Variants in HPSE2 observed in about 807,000 individuals in gnomAD.
HPSE2 encodes the protein heparanase 2 (inactive), also known as inactive heparanase-2.
A neutral mutation model predicts 60.5 loss-of-function variants in HPSE2; 38 were observed. That is an observed-to-expected ratio of 0.63 (90% CI 0.48 to 0.82). The LOEUF (loss-of-function observed/expected upper bound fraction) is 0.82. HPSE2 is among the 40% of genes least tolerant of loss of function. The pLI, the probability that HPSE2 is intolerant of heterozygous loss-of-function variation, is 0.00. For missense variants in HPSE2, 713 were observed against 740.4 expected, an observed-to-expected ratio of 0.96 and a Z score of 0.43; for synonymous variants, 295 against 293.2, an observed-to-expected ratio of 1.01 and a Z score of -0.06.
intron 9 of HPSE2, among the ~76,000 whole-genome samples, chr10:98,585,112 C>A (rs939486712): frequency 1.3e-5 from 2 of 152,118 alleles, no homozygotes; most frequent in Admixed American, 6.5e-5. Flanking sequence ...TCTACTGGTG[C>A]TACATGGGGG....
intron 9 of HPSE2, among the ~76,000 whole-genome samples, chr10:98,565,211 G>A (rs899919389): frequency 1.3e-4 from 19 of 151,638 alleles, no homozygotes; most frequent in Non-Finnish European, 2.5e-4. Context: ...AGAACATGCA[G>A]GTTTGCTACA....
At chr10:99,213,992 C>G (rs1849035514) in intron 2 of HPSE2, among the ~76,000 whole-genome samples, 2 of 152,068 alleles carry the variant, frequency 1.3e-5, no homozygotes, top group South Asian at 4.1e-4. Flanking sequence ...ATATGAAAAA[C>G]TCTTACAACT....
rs563249632 is a variant in HPSE2 at position 98,492,441 on chromosome 10, G to A, written c.1321-2245C>T. On this transcript the variant is annotated intron_variant, in intron 9 of 11. Transcript: ENST00000370552. ...GGCGTGAACCCAGGAGGCGGAGCTT[G>A]CAGTGAGCCGAGATTGCGCCACTGC... Among the ~76,000 whole-genome samples the A allele has an allele frequency of 3.4e-5, 5 of 149,230 alleles. No individual in the cohort carries two copies. In the East Asian group the frequency reaches 9.9e-4, roughly 29 times the overall value.
In HPSE2 at chr10:98,662,950, A is replaced by G. The variant is rs188794473; in HGVS notation, c.1005-21010T>C. ...TTTAGAAAGATTTAAAAAACAATAA[A>G]GAACAACTTGATGAGACCAAGATAG... On this transcript the variant is annotated intron_variant, in intron 6 of 11. Transcript: ENST00000370552. 1.1e-4 allele frequency among the ~76,000 whole-genome samples: 17 copies of G among 152,354 alleles called. No individual in the cohort carries two copies. The East Asian group carries it at 3.3e-3, about 29-fold the overall frequency.
intron 3 of HPSE2, among the ~76,000 whole-genome samples, chr10:98,745,215 A>C: frequency 6.6e-6 from 1 of 152,196 alleles, no homozygotes; most frequent in East Asian, 1.9e-4. Flanking sequence ...TAAATAAATA[A>C]AATAAAAAAA....
chr10:99,097,649 T>C (rs1469207347), intron 3 of HPSE2, among the ~76,000 whole-genome samples: 1 of 152,200 alleles, frequency 6.6e-6, no homozygotes, highest in Non-Finnish European at 1.5e-5. Flanking sequence ...ACAATATAGT[T>C]AACACCTAGG....
rs193050289 is a variant in HPSE2 at position 99,128,764 on chromosome 10, G to A, written c.610+15474C>T. Reference sequence around the variant, plus strand: ...ATACCTAGGTGATGGGTTGATAGGCGCAGCAAACCACCATAGCACATGTTT... The same window carrying A: ...ATACCTAGGTGATGGGTTGATAGGCACAGCAAACCACCATAGCACATGTTT... On this transcript the variant is annotated intron_variant, in intron 3 of 11. Transcript: ENST00000370552. Among the ~76,000 whole-genome samples the A allele has an allele frequency of 4.9e-4, 74 of 152,074 alleles. No homozygotes were observed. The East Asian group carries it at 6.8e-3, about 14-fold the overall frequency.
chr10:98,465,950 G>A (rs897949898), intron 11 of HPSE2, among the ~76,000 whole-genome samples: 9 of 152,104 alleles, frequency 5.9e-5, no homozygotes, highest in African/African-American at 2.2e-4. Context: ...ATTTAAAATG[G>A]GATTCAAAGT....
chr10:98,632,444 T>C (rs1199142483), intron 7 of HPSE2, among the ~76,000 whole-genome samples: 2 of 152,198 alleles, frequency 1.3e-5, no homozygotes, highest in African/African-American at 2.4e-5. Context: ...AATATTTGTA[T>C]CTAAGAATCA....
Position 99,235,753 on chromosome 10 carries a change from C to G in HPSE2, c.50G>C (p.Arg17Pro). 6.2e-7 allele frequency: 1 copy of G among 1,613,734 alleles called. No individual in the cohort carries two copies. The highest frequency in any genetic ancestry group is 8.5e-7 in the Non-Finnish European group (1 of 1,179,896). Residue 17 changes from arginine (R) to proline (P), a missense_variant, in exon 1 of 12, where the codon CGC (arginine) becomes CCC (proline). Coordinates refer to ENST00000370552, the MANE Select transcript of HPSE2 (RefSeq NM_021828.5). ...CCCCGGGGCTAGGCACGCGGGGGGG[C>G]GGGAGTTGCTGGAGGGCATGGCTTC... ...FPEAMPSSNS[R>P]PPACLAPGAL... is the part of the protein sequence containing the mutation.
chr10:99,015,701 G>C (rs1275922023), intron 3 of HPSE2, among the ~76,000 whole-genome samples: 1 of 152,092 alleles, frequency 6.6e-6, no homozygotes, highest in Non-Finnish European at 1.5e-5. Context: ...ATAGCATTAG[G>C]AGATATACCT....
At chr10:98,503,965 T>C (rs1942110820) in intron 9 of HPSE2, among the ~76,000 whole-genome samples, 1 of 152,118 alleles carries the variant, frequency 6.6e-6, no homozygotes, top group Non-Finnish European at 1.5e-5. Context: ...CTAAAGAACT[T>C]ACTCATGTAA....
At chr10:98,545,839 A>G (rs1420912876) in intron 9 of HPSE2, among the ~76,000 whole-genome samples, 4 of 151,366 alleles carry the variant, frequency 2.6e-5, no homozygotes, top group Admixed American at 2.0e-4. Context: ...AGGGTATTCA[A>G]TTAGGAAAAG....
intron 10 of HPSE2, among the ~76,000 whole-genome samples, chr10:98,486,046 C>T (rs757450570): frequency 1.4e-4 from 21 of 152,266 alleles, no homozygotes; most frequent in Middle Eastern, 3.4e-3. Context: ...GCCCAGAGAC[C>T]CACATATAGA....
In HPSE2 at chr10:99,110,401, A is replaced by G. The variant is rs539055903; in HGVS notation, c.610+33837T>C. 1.1e-4 allele frequency among the ~76,000 whole-genome samples: 16 copies of G among 152,326 alleles called. No individual in the cohort carries two copies. The South Asian group carries it at 2.5e-3, about 24-fold the overall frequency. ...AGGCATACTATGTCCTACTTGCCCT[A>G]TGAGAAGAGAATAATGAGTATTCTC... On this transcript the variant is annotated intron_variant, in intron 3 of 11. Coordinates refer to ENST00000370552, the MANE Select transcript of HPSE2 (RefSeq NM_021828.5).
intron 9 of HPSE2, among the ~76,000 whole-genome samples, chr10:98,571,885 C>T (rs944754284): frequency 6.6e-6 from 1 of 151,626 alleles, no homozygotes; most frequent in African/African-American, 2.4e-5. Flanking sequence ...TTCTATCTAT[C>T]TATTCTGGAT....
At chr10:98,696,541 T>A (rs12571813) in intron 5 of HPSE2, among the ~76,000 whole-genome samples, 7,263 of 152,196 alleles carry the variant, frequency 0.048, 388 homozygotes, top group East Asian at 0.17. Flanking sequence ...TCCATGGAAC[T>A]GTGTAAACCC....
intron 3 of HPSE2, among the ~76,000 whole-genome samples, chr10:99,085,991 T>G (rs1843302888): frequency 6.6e-6 from 1 of 152,220 alleles, no homozygotes; most frequent in African/African-American, 2.4e-5. Flanking sequence ...CAAAATCATA[T>G]TCATTTCCAA....
intron 11 of HPSE2, among the ~76,000 whole-genome samples, chr10:98,473,222 T>C (rs1262721418): frequency 6.6e-6 from 1 of 152,062 alleles, no homozygotes; most frequent in African/African-American, 2.4e-5. Context: ...CGGTGGCTCA[T>C]GTCTATAGTC....
Sources: allele counts gnomAD v4.1 joint callset (sites outside exome capture counted in the v4.1 genomes callset), GRCh38; gene constraint gnomAD v4.1.1; transcripts MANE v1.5; gene names NCBI Gene and HGNC (gene_info 2026-07-23, HGNC 2026-07-21).